Variants in XPO7 observed in about 807,000 individuals in gnomAD.
XPO7 encodes the protein exportin-7.
A neutral mutation model predicts 144.3 loss-of-function variants in XPO7; 21 were observed. The observed-to-expected ratio is 0.15, with a 90% CI of 0.10 to 0.21. XPO7 has a LOEUF of 0.21. XPO7 is among the 10% of genes least tolerant of loss of function. The probability of loss-of-function intolerance (pLI) is 1.00; values close to 1 mark genes in which losing one functional copy is unlikely to be tolerated. For missense variants in XPO7, 808 were observed against 1,325.8 expected (o/e 0.61, Z 6.06); for synonymous variants, 580 against 499.6 (o/e 1.16, Z -2.15).
chr8:21,996,388 C>T (rs1362431047), intron 21 of XPO7, among the ~76,000 whole-genome samples: 1 of 152,134 alleles, frequency 6.6e-6, no homozygotes, highest in East Asian at 1.9e-4. Context: ...ACACTCCAGC[C>T]TGGGTGACAG....
In XPO7 at chr8:21,979,382, ATTTCTTTTTTT is replaced by A. The variant is rs1194447775; in HGVS notation, c.838-687_838-677del. On this transcript the variant is annotated intron_variant, in intron 8 of 27. Coordinates refer to ENST00000252512, the MANE Select transcript of XPO7 (RefSeq NM_015024.5). ...TTTAGGGCCCAGATGTGATATGCTTATTTCTTTTTTTTTTCTTTTTTTTTTTCGTTTTTTTT... is the reference window on the plus strand; with the variant it reads ...TTTAGGGCCCAGATGTGATATGCTTATTTCTTTTTTTTTTTCGTTTTTTTT... 9.3e-4 allele frequency among the ~76,000 whole-genome samples: 119 copies of A among 127,290 alleles called. 1 individual carries two copies. Among genetic ancestry groups the A allele is most frequent in the Admixed American group, 7.0e-3 (88 of 12,642 alleles). 83.5% of individuals were successfully genotyped at this position (127,290 alleles called of 152,430 possible).
At chr8:21,926,601 T>A (rs561775483) in intron 1 of XPO7, among the ~76,000 whole-genome samples, 6 of 148,414 alleles carry the variant, frequency 4.0e-5, no homozygotes, top group African/African-American at 1.4e-4. Context: ...TGAACTTCAG[T>A]GCTTTACTTC....
rs538536884 is a variant in XPO7, at chr8:21,923,007, C to T, written c.18+3219C>T. Among the ~76,000 whole-genome samples, 94 of 152,156 alleles carry T rather than the reference C, an allele frequency of 6.2e-4. 1 individual carries two copies. Among genetic ancestry groups the T allele is most frequent in the African/African-American group, 2.1e-3 (87 of 41,504 alleles). On this transcript the variant is annotated intron_variant, in intron 1 of 27. Coordinates refer to ENST00000252512, the MANE Select transcript of XPO7 (RefSeq NM_015024.5). ...TAAATTTTAGCAGGGTGCAAAAAGT[C>T]GGCCTGATTATAGCAAAAGTGATGG...
rs570269028 is a variant in XPO7 at position 21,932,925 on chromosome 8, A to G, written c.18+13137A>G. 2.4e-4 allele frequency among the ~76,000 whole-genome samples: 37 copies of G among 152,226 alleles called. 1 individual carries two copies. The highest frequency in any genetic ancestry group is 8.7e-4 in the African/African-American group (36 of 41,524). On this transcript the variant is annotated intron_variant, in intron 1 of 27. Transcript: ENST00000252512. ...TAATATTCACATTGACCTCTGTTTA[A>G]TATTTAATATTCACATTGACCTTTG...
rs777403404 is a variant in XPO7 at position 22,005,256 on chromosome 8, A to G, written c.*168A>G. ...TTCCCCAGGGAATAGGGGTGTGAGT[A>G]CACTCACTAGGGGGCAGGGCGCTGC... On this transcript the variant is annotated 3_prime_UTR_variant, in exon 28 of 28. Coordinates refer to ENST00000252512, the MANE Select transcript of XPO7 (RefSeq NM_015024.5). 3.4e-5 allele frequency: 16 copies of G among 466,142 alleles called. No individual in the cohort carries two copies. The highest frequency in any genetic ancestry group is 5.3e-5 in the Non-Finnish European group (14 of 265,608). The allele number at this position is 466,142 out of a possible 1,614,324, so 28.9% of individuals were successfully genotyped here. A position where few individuals can be genotyped will look rare whatever the true frequency, so the allele number is the denominator to read the frequency against.
At chr8:21,990,310 C>T in intron 16 of XPO7, 34 bp from the exon 17 acceptor site, 1 of 1,609,514 alleles carries the variant, frequency 6.2e-7, no homozygotes, top group Non-Finnish European at 8.5e-7. Context: ...CGGCCTGCTT[C>T]ACACTTTCCT....
chr8:21,963,334 C>T (rs1811784287), intron 1 of XPO7, among the ~76,000 whole-genome samples: 1 of 152,160 alleles, frequency 6.6e-6, no homozygotes, highest in Admixed American at 6.5e-5. Context: ...TTGACTCCTT[C>T]CTAAAAGCAA....
chr8:21,922,040 C>T (rs571991672), intron 1 of XPO7, among the ~76,000 whole-genome samples: 2 of 152,080 alleles, frequency 1.3e-5, no homozygotes, highest in East Asian at 3.9e-4. Flanking sequence ...GGGAGGGTGG[C>T]GGGGATATTT....
At chr8:21,944,893 C>T (rs969267874) in intron 1 of XPO7, among the ~76,000 whole-genome samples, 1 of 152,174 alleles carries the variant, frequency 6.6e-6, no homozygotes. Flanking sequence ...TTAGTGGACA[C>T]AGCACATGTT....
At chr8:21,953,396 C>G (rs902137414) in intron 1 of XPO7, among the ~76,000 whole-genome samples, 1 of 152,180 alleles carries the variant, frequency 6.6e-6, no homozygotes, top group Non-Finnish European at 1.5e-5. Context: ...AGATTGGCAT[C>G]TTAAACTTAG....
At chr8:21,999,713 T>C (rs1484492300) in intron 24 of XPO7, 39 bp downstream of exon 24, 2 of 1,611,652 alleles carry the variant, frequency 1.2e-6, no homozygotes, top group Non-Finnish European at 1.7e-6. Flanking sequence ...GGTGGGTTTG[T>C]TTTTTACCAC....
At chr8:21,920,588 G>A (rs1352120588) in intron 1 of XPO7, among the ~76,000 whole-genome samples, 1 of 152,180 alleles carries the variant, frequency 6.6e-6, no homozygotes, top group African/African-American at 2.4e-5. Context: ...GTGCTGTGGG[G>A]CCAGGCCACT....
intron 1 of XPO7, among the ~76,000 whole-genome samples, chr8:21,936,446 A>G (rs532622952): frequency 4.6e-5 from 7 of 152,300 alleles, no homozygotes; most frequent in East Asian, 3.9e-4. Flanking sequence ...ATTTTCACCA[A>G]TGTTACTATA....
chr8:21,987,791 G>T lies in XPO7; in HGVS notation c.1721G>T (p.Arg574Leu). The change falls in exon 15 of 28, where the codon CGC becomes CTC. Residue 574 changes from arginine to leucine, a missense_variant. By Grantham distance (102) the Arg-to-Leu change is moderately radical. Around this residue, in one of 5 missense-constraint regions of XPO7, gnomAD observed 416 missense variants for 612.5 expected, o/e 0.68. Coordinates refer to ENST00000252512, the MANE Select transcript of XPO7 (RefSeq NM_015024.5). ...TTCTCTTCTTAACACCAGCTGTACC[G>T]CCGACTCTCAGAAGTTCTGGGCTTG... Reference protein sequence around the residue: ...DQVQKSSKLYRRLSEVLGLND... With the variant: ...DQVQKSSKLYLRLSEVLGLND... The T allele has an allele frequency of 6.2e-7, 1 of 1,613,654 alleles. No individual in the cohort carries two copies. Among genetic ancestry groups the T allele is most frequent in the Non-Finnish European group, 8.5e-7 (1 of 1,179,688 alleles).
intron 19 of XPO7, among the ~76,000 whole-genome samples, chr8:21,994,089 A>G (rs1356464472): frequency 6.6e-6 from 1 of 152,082 alleles, no homozygotes; most frequent in East Asian, 1.9e-4. Flanking sequence ...CGAACCAGGA[A>G]CGTATTTTCT....
At chr8:21,963,258 A>T (rs1181601621) in intron 1 of XPO7, among the ~76,000 whole-genome samples, 1 of 152,154 alleles carries the variant, frequency 6.6e-6, no homozygotes, top group East Asian at 1.9e-4. Flanking sequence ...ACACCTGCGG[A>T]TCTGACTGGT....
At chr8:21,995,977 G>A (rs1481944276) in intron 21 of XPO7, among the ~76,000 whole-genome samples, 2 of 151,936 alleles carry the variant, frequency 1.3e-5, no homozygotes, top group African/African-American at 4.8e-5. Context: ...CACCACACCC[G>A]GCCGATTTTT....
intron 1 of XPO7, among the ~76,000 whole-genome samples, chr8:21,925,493 G>T (rs1810430474): frequency 6.6e-6 from 1 of 152,160 alleles, no homozygotes; most frequent in Non-Finnish European, 1.5e-5. Flanking sequence ...TGGTATCCCT[G>T]GAAGACTGGA....
At position 21,951,767 on chromosome 8, in the gene XPO7, C is replaced by T. The variant is rs1422747351; in HGVS notation, c.19-15090C>T. 3.3e-5 allele frequency among the ~76,000 whole-genome samples: 5 copies of T among 152,302 alleles called. No homozygotes were observed. In the East Asian group the frequency reaches 5.8e-4, roughly 18 times the overall value. ...ATTGCTAAGGTTTTTCAGAACCTCACGTTCTCAGCCCAGTATTTTGGAAAA... is the reference window on the plus strand; with the variant it reads ...ATTGCTAAGGTTTTTCAGAACCTCATGTTCTCAGCCCAGTATTTTGGAAAA... On this transcript the variant is annotated intron_variant, in intron 1 of 27. Coordinates refer to ENST00000252512, the MANE Select transcript of XPO7 (RefSeq NM_015024.5).
Sources: allele counts gnomAD v4.1 joint callset (sites outside exome capture counted in the v4.1 genomes callset), GRCh38; gene constraint gnomAD v4.1.1; regional missense constraint gnomAD v4.1.1; transcripts MANE v1.5; gene names NCBI Gene and HGNC (gene_info 2026-07-23, HGNC 2026-07-21).